The following SHANK2 variants were observed in gnomAD, a reference collection of about 807,000 sequenced individuals.
SHANK2 encodes SH3 and multiple ankyrin repeat domains protein 2.
A neutral mutation model predicts 133.7 loss-of-function variants in SHANK2; 43 were observed. The observed-to-expected ratio is 0.32, with a 90% CI of 0.25 to 0.41. The LOEUF is 0.41. Among genes scored for constraint, SHANK2 ranks in the 10% least tolerant of loss-of-function variants. The probability of loss-of-function intolerance (pLI) is 1.00; values close to 1 mark genes in which losing one functional copy is unlikely to be tolerated. For synonymous variants in SHANK2, 1,017 were observed against 952.8 expected (o/e 1.07, Z -1.24); for missense variants, 1,994 against 2,235.8 (o/e 0.89, Z 2.18).
rs1166794808 is a variant in SHANK2 at position 70,807,259 on chromosome 11, C to A, written c.1494-88G>T. 2 of 677,790 alleles carry A rather than the reference C, an allele frequency of 3.0e-6. No individual in the cohort carries two copies. The highest frequency in any genetic ancestry group is 2.7e-6 in the Non-Finnish European group (1 of 374,804). 42.0% of individuals were successfully genotyped at this position (677,790 alleles called of 1,614,324 possible). A position where few individuals can be genotyped will look rare whatever the true frequency, so the allele number is the denominator to read the frequency against. Reference sequence around the variant, plus strand: ...CACAAACCACAGCCAAGCCATTCAACGCATGCTGCGCCTCGGCTGGCCGCA... The same window carrying A: ...CACAAACCACAGCCAAGCCATTCAAAGCATGCTGCGCCTCGGCTGGCCGCA... On this transcript the variant is annotated intron_variant, in intron 12 of 25. Coordinates refer to ENST00000601538, the MANE Select transcript of SHANK2 (RefSeq NM_012309.5). This position sits in a 1 kb window ranked among gnomAD's most constrained non-coding sequence, Gnocchi z 4.8.
In SHANK2 at chr11:70,528,310, C is replaced by T. The variant is rs562407075; in HGVS notation, c.2062-25379G>A. Among the ~76,000 whole-genome samples, 12 of 152,252 alleles carry T rather than the reference C, an allele frequency of 7.9e-5. No individual in the cohort carries two copies. The South Asian group carries it at 2.5e-3, about 32-fold the overall frequency. ...ATCCGGTGGAAGCAGGAAGGTTTGG[C>T]AGGTCCTCAGCAGGGATGCAGCCTC... is the stretch of plus-strand genomic sequence containing the variant. On this transcript the variant is annotated intron_variant, in intron 17 of 25. Transcript: ENST00000601538.
At chr11:70,728,597 T>G (rs1215697246) in intron 14 of SHANK2, among the ~76,000 whole-genome samples, 1 of 152,178 alleles carries the variant, frequency 6.6e-6, no homozygotes, top group Admixed American at 6.5e-5. Flanking sequence ...TAATGGATTC[T>G]TACCCAAACA....
chr11:71,103,875 CCT>C lies in SHANK2; in HGVS notation c.592+6064_592+6065del, dbSNP rs1291778806. Among the ~76,000 whole-genome samples the C allele has an allele frequency of 1.1e-3, 149 of 132,366 alleles. 2 individuals are homozygous for C. The highest frequency in any genetic ancestry group is 4.0e-3 in the African/African-American group (143 of 35,584). 86.8% of individuals were successfully genotyped at this position (132,366 alleles called of 152,430 possible). On this transcript the variant is annotated intron_variant, in intron 6 of 25. Coordinates refer to ENST00000601538, the MANE Select transcript of SHANK2 (RefSeq NM_012309.5). The stretch of plus-strand genomic sequence containing the variant: ...CCCCCTCCCCTTCTCCCTCTCCCCC[CCT>C]CTTTCTCTCTCTCTCTCCTGCTTTC...
chr11:70,948,380 C>T lies in SHANK2; in HGVS notation c.1108-51813G>A, dbSNP rs67223333. ...CACCTAGAAGACAGCGTGGCTCTTA[C>T]GAGAAACTCCATATGTACTGGTGGA... On this transcript the variant is annotated intron_variant, in intron 10 of 25. Transcript: ENST00000601538. The T allele has an allele frequency of 1.8e-5, 8 of 456,908 alleles. No individual in the cohort carries two copies. The East Asian group carries it at 2.1e-4, about 12-fold the overall frequency. 28.3% of individuals were successfully genotyped at this position (456,908 alleles called of 1,614,324 possible). A position where few individuals can be genotyped will look rare whatever the true frequency, so the allele number is the denominator to read the frequency against.
At chr11:70,834,032 T>C (rs782531510) in intron 11 of SHANK2, among the ~76,000 whole-genome samples, 3 of 152,242 alleles carry the variant, frequency 2.0e-5, no homozygotes, top group South Asian at 2.1e-4. Flanking sequence ...GGCAAAACCC[T>C]GAGTGTGATC....
At chr11:70,520,334 C>T (rs1343037059) in intron 17 of SHANK2, among the ~76,000 whole-genome samples, 2 of 152,238 alleles carry the variant, frequency 1.3e-5, no homozygotes, top group Non-Finnish European at 2.9e-5. Flanking sequence ...GCTCTAGGCT[C>T]TGCCTGCTGG....
At chr11:70,533,045 C>T (rs1554973522) in intron 17 of SHANK2, among the ~76,000 whole-genome samples, 1 of 152,140 alleles carries the variant, frequency 6.6e-6, no homozygotes, top group African/African-American at 2.4e-5. Context: ...CCAGAGTAGC[C>T]AAATTCACAG....
chr11:70,487,755 A>G lies in SHANK2; in HGVS notation c.2573-35T>C. On this transcript the variant is annotated intron_variant, in intron 24 of 25. Coordinates refer to ENST00000601538, the MANE Select transcript of SHANK2 (RefSeq NM_012309.5). This position sits in a 1 kb window ranked among gnomAD's most constrained non-coding sequence, Gnocchi z 5.8. ...GAAAACAGGTTTAGCTTTAAGTCAC[A>G]ATAGCAACAAAGCCTAAGTTCCTAG... 6.4e-7 allele frequency: 1 copy of G among 1,550,624 alleles called. No individual in the cohort carries two copies. The highest frequency in any genetic ancestry group is 8.7e-7 in the Non-Finnish European group (1 of 1,147,064).
intron 10 of SHANK2, among the ~76,000 whole-genome samples, chr11:70,906,893 C>T (rs1950112348): frequency 6.6e-6 from 1 of 152,178 alleles, no homozygotes; most frequent in Admixed American, 6.5e-5. Context: ...TCTGGAGAGG[C>T]AGTTGAGGCC....
At chr11:70,920,895 C>T (rs1950340689) in intron 10 of SHANK2, among the ~76,000 whole-genome samples, 1 of 152,146 alleles carries the variant, frequency 6.6e-6, no homozygotes, top group African/African-American at 2.4e-5. Context: ...TCACAACAGG[C>T]AATATCAATA....
At chr11:70,636,403 G>A (rs886436361) in intron 17 of SHANK2, among the ~76,000 whole-genome samples, 7 of 152,208 alleles carry the variant, frequency 4.6e-5, no homozygotes, top group Non-Finnish European at 8.8e-5. Context: ...GTGTGTATGC[G>A]AGCATGTGTG....
rs116884034 is a variant in SHANK2 at position 70,549,362 on chromosome 11, C to A, written c.2062-46431G>T. ...TTCTGCCTCTCTCACCCCAAGCCCA[C>A]AGTCACACTGGTCCCCCTAGTGAAG... On this transcript the variant is annotated intron_variant, in intron 17 of 25. Coordinates refer to ENST00000601538, the MANE Select transcript of SHANK2 (RefSeq NM_012309.5). 6.8e-4 allele frequency among the ~76,000 whole-genome samples: 103 copies of A among 152,360 alleles called. No individual in the cohort carries two copies. In the East Asian group the frequency reaches 0.018, roughly 26 times the overall value.
At position 70,718,102 on chromosome 11, in the gene SHANK2, G is replaced by A. The variant is rs1326281813; in HGVS notation, c.1778-19339C>T. On this transcript the variant is annotated intron_variant, in intron 14 of 25. Transcript: ENST00000601538. ...ATCAGTCACTAGTCTAAATAAGTAC[G>A]GGTGAAGGACGCCTGAAAAACCAGT... Among the ~76,000 whole-genome samples, 6 of 152,164 alleles carry A rather than the reference G, an allele frequency of 3.9e-5. 1 individual carries two copies. Among genetic ancestry groups the A allele is most frequent in the Admixed American group, 3.9e-4 (6 of 15,282 alleles).
chr11:70,738,910 A>G (rs1308674201), intron 14 of SHANK2, among the ~76,000 whole-genome samples: 2 of 152,160 alleles, frequency 1.3e-5, no homozygotes, highest in Non-Finnish European at 2.9e-5. Context: ...TCGAATGGAG[A>G]TCCGGCCCAT....
At chr11:71,237,762 T>C (rs1238160727) in intron 1 of SHANK2, among the ~76,000 whole-genome samples, 1 of 152,004 alleles carries the variant, frequency 6.6e-6, no homozygotes, top group Admixed American at 6.6e-5. Context: ...GCCTACCCCA[T>C]CTCCCCTTCC....
intron 10 of SHANK2, among the ~76,000 whole-genome samples, chr11:70,927,470 G>A (rs1487146007): frequency 7.2e-5 from 11 of 151,998 alleles, no homozygotes; most frequent in African/African-American, 2.7e-4. Flanking sequence ...TGGGACTGAT[G>A]GGGCCCGACA....
At chr11:70,571,122 C>T (rs76196999) in intron 17 of SHANK2, among the ~76,000 whole-genome samples, 3,527 of 152,200 alleles carry the variant, frequency 0.023, 77 homozygotes, top group East Asian at 0.095. Context: ...TGACCCTGTC[C>T]AGCCTCTCCC....
At chr11:70,715,166 T>G (rs1555026983) in intron 14 of SHANK2, among the ~76,000 whole-genome samples, 1 of 152,166 alleles carries the variant, frequency 6.6e-6, no homozygotes. Flanking sequence ...TAGATAATAT[T>G]TTTTACAATG....
chr11:70,796,640 G>A (rs546503531), intron 14 of SHANK2, among the ~76,000 whole-genome samples: 2 of 152,334 alleles, frequency 1.3e-5, no homozygotes, highest in African/African-American at 4.8e-5. Context: ...GTGTGGACCA[G>A]GGGTGGACGG....
Sources: gnomAD v4.1 joint callset for allele counts (sites outside exome capture counted in the v4.1 genomes callset) on GRCh38, gnomAD v4.1.1 for gene constraint, Gnocchi (gnomAD v3.1) non-coding constraint, MANE v1.5 for transcripts, NCBI Gene and HGNC (gene_info 2026-07-23, HGNC 2026-07-21) for gene names.